PCDHA6: variants seen among roughly 807,000 people sequenced by gnomAD.
PCDHA6 encodes protocadherin alpha-6.
PCDHA6 carries 55 observed loss-of-function variants against 60.3 expected under a neutral mutation model. The ratio of observed to expected loss-of-function variants is 0.91; its 90% CI spans 0.73 to 1.14. The LOEUF is 1.14. Ranked by LOEUF, PCDHA6 falls within the 50% of genes most tolerant of loss-of-function variation. The pLI is 0.00. For synonymous variants in PCDHA6, 652 were observed against 557.9 expected (o/e 1.17, Z -2.38); for missense variants, 1,327 against 1,256.5 (o/e 1.06, Z -0.85).
chr5:140,861,715 C>A, intron 1 of PCDHA6: 1 of 216,886 alleles, frequency 4.6e-6, no homozygotes, highest in South Asian at 7.0e-5. Flanking sequence ...ACGTCGGGGC[C>A]AATGCTCTGA....
intron 1 of PCDHA6, among the ~76,000 whole-genome samples, chr5:140,889,933 A>T (rs1034906344): frequency 7.9e-5 from 12 of 152,188 alleles, no homozygotes; most frequent in African/African-American, 2.9e-4. Context: ...CTCAAGCTGG[A>T]CTTGTGAGAA....
At chr5:140,834,854 G>A in intron 1 of PCDHA6, 1 of 1,610,584 alleles carries the variant, frequency 6.2e-7, no homozygotes, top group South Asian at 1.1e-5. Flanking sequence ...TAGAGGGCGC[G>A]TCCGATGCAG....
intron 1 of PCDHA6, among the ~76,000 whole-genome samples, chr5:140,960,338 G>A (rs2095541394): frequency 6.6e-6 from 1 of 152,172 alleles, no homozygotes; most frequent in Admixed American, 6.5e-5. Context: ...AGTACATGAG[G>A]TGAGATATGT....
At chr5:140,943,200 G>A (rs2093432800) in intron 1 of PCDHA6, among the ~76,000 whole-genome samples, 1 of 140,910 alleles carries the variant, frequency 7.1e-6, no homozygotes, top group Non-Finnish European at 1.5e-5. Context: ...GGAGGCTGCA[G>A]TAAGCCAAGA....
In PCDHA6 at chr5:140,903,730, A is replaced by G. The variant is rs2070542594; in HGVS notation, c.2394+73245A>G. Among the ~76,000 whole-genome samples, 4 of 152,350 alleles carry G rather than the reference A, an allele frequency of 2.6e-5. No homozygotes were observed. In the South Asian group the frequency reaches 8.3e-4, roughly 32 times the overall value. ...AAATATACAATTCTCCCTATTATCA[A>G]TTATTACAGAATGTTTCCCTTGATT... is the stretch of plus-strand genomic sequence containing the variant. On this transcript the variant is annotated intron_variant, in intron 1 of 3. Transcript: ENST00000529310.
At chr5:140,968,909 G>A (rs782304408) in intron 1 of PCDHA6, 7 of 1,614,172 alleles carry the variant, frequency 4.3e-6, no homozygotes, top group Non-Finnish European at 5.1e-6. Context: ...ATTAAGCACA[G>A]TGTCTTTTAT....
rs2150317144 is a variant in PCDHA6 at position 140,841,514 on chromosome 5, CG to C, written c.2394+11032del. ...GGCGGAGCTGGTGCCGCGCCTGTTC[CG>C]GGTGGCGTCCAAAAGACACCGGGAC... On this transcript the variant is annotated intron_variant, in intron 1 of 3. Transcript: ENST00000529310. 3,465 of 1,613,482 alleles carry C rather than the reference CG, an allele frequency of 2.1e-3. 25 individuals carry two copies. Among genetic ancestry groups the C allele is most frequent in the Non-Finnish European group, 2.6e-3 (3,065 of 1,179,942 alleles).
intron 1 of PCDHA6, among the ~76,000 whole-genome samples, chr5:140,925,641 T>TAATA (rs2082614636): frequency 7.0e-6 from 1 of 143,358 alleles, no homozygotes; most frequent in Non-Finnish European, 1.5e-5. Flanking sequence ...GAACTTAAAG[T>TAATA]ATAATAATAA....
chr5:140,850,244 G>C, intron 1 of PCDHA6: 1 of 1,593,676 alleles, frequency 6.3e-7, no homozygotes, highest in Non-Finnish European at 8.6e-7. Flanking sequence ...TGGTGCTGCG[G>C]TCGGTGGGCG....
chr5:140,938,385 A>G (rs952402645), intron 1 of PCDHA6, among the ~76,000 whole-genome samples: 8 of 152,202 alleles, frequency 5.3e-5, no homozygotes, highest in Admixed American at 2.6e-4. Flanking sequence ...TAAATATTTA[A>G]TATGAAATAC....
chr5:140,884,403 T>C, intron 1 of PCDHA6: 1 of 1,613,992 alleles, frequency 6.2e-7, no homozygotes, highest in African/African-American at 1.3e-5. Context: ...AGCCTGTTGG[T>C]GCTCACGTTG....
At chr5:140,984,013 A>G (rs1258063909) in intron 3 of PCDHA6, among the ~76,000 whole-genome samples, 1 of 152,234 alleles carries the variant, frequency 6.6e-6, no homozygotes, top group Non-Finnish European at 1.5e-5. Context: ...TAATATTGCC[A>G]GATTGCAAGG....
chr5:140,830,320 CG>C lies in PCDHA6; in HGVS notation c.2230del (p.Ala744GlnfsTer39). 1 of 1,613,990 alleles carries C rather than the reference CG, an allele frequency of 6.2e-7. No individual in the cohort carries two copies. The highest frequency in any genetic ancestry group is 8.5e-7 in the Non-Finnish European group (1 of 1,179,930). ...ADKPTLVCSSAVGSWSYSQQR... is the reference protein window; with the variant it reads ...ADKPTLVCSSXVGSWSYSQQR... The stretch of plus-strand genomic sequence containing the variant: ...ACAAGCCCACGCTGGTGTGCTCCAG[CG>C]CAGTGGGGAGCTGGTCGTACTCGCA... On this transcript the variant is annotated frameshift_variant, in exon 1 of 4. Coordinates refer to ENST00000529310, the MANE Select transcript of PCDHA6 (RefSeq NM_018909.4). LOFTEE classifies it high-confidence loss of function.
intron 1 of PCDHA6, among the ~76,000 whole-genome samples, chr5:140,838,864 G>T (rs1775916115): frequency 6.6e-6 from 1 of 151,900 alleles, no homozygotes; most frequent in African/African-American, 2.4e-5. Flanking sequence ...CCAAGCTGCA[G>T]TTATCATGCC....
At chr5:140,887,539 C>T in intron 1 of PCDHA6, among the ~76,000 whole-genome samples, 1 of 152,082 alleles carries the variant, frequency 6.6e-6, no homozygotes, top group East Asian at 1.9e-4. Flanking sequence ...CCTCTCCCCA[C>T]CCCTCATGGT....
chr5:140,948,108 G>A (rs902891466), intron 1 of PCDHA6, among the ~76,000 whole-genome samples: 2 of 151,096 alleles, frequency 1.3e-5, no homozygotes, highest in Non-Finnish European at 3.0e-5. Context: ...ATTTTTCTTC[G>A]TTTTACTAAT....
intron 1 of PCDHA6, among the ~76,000 whole-genome samples, chr5:140,938,897 G>A (rs72800999): frequency 0.012 from 1,856 of 151,306 alleles, 24 homozygotes; most frequent in Non-Finnish European, 0.018. Flanking sequence ...ACACAGATGC[G>A]CACACACACA....
At chr5:140,836,897 G>A (rs1466903226) in intron 1 of PCDHA6, 3 of 603,578 alleles carry the variant, frequency 5.0e-6, no homozygotes, top group South Asian at 2.7e-5. Flanking sequence ...TTGGAAGTAC[G>A]TTTAATATAC....
At chr5:140,836,779 AT>A (rs2150269832) in intron 1 of PCDHA6, 6 of 1,482,480 alleles carry the variant, frequency 4.0e-6, no homozygotes, top group Non-Finnish European at 5.5e-6. Context: ...TTTTAAAACA[AT>A]TAGTTCAATT....
Sources: gnomAD v4.1 joint callset for allele counts (sites outside exome capture counted in the v4.1 genomes callset) on GRCh38, gnomAD v4.1.1 for gene constraint, MANE v1.5 for transcripts, NCBI Gene and HGNC (gene_info 2026-07-23, HGNC 2026-07-21) for gene names.